JPT1: variants seen among roughly 807,000 people sequenced by gnomAD.
The protein encoded by JPT1 is Jupiter microtubule associated homolog 1.
A neutral mutation model predicts 17.0 loss-of-function variants in JPT1; 5 were observed. The ratio of observed to expected loss-of-function variants is 0.29; its 90% CI spans 0.15 to 0.62. JPT1 has a LOEUF of 0.62. JPT1 is among the 20% of genes least tolerant of loss of function. The probability of loss-of-function intolerance (pLI) is 0.85; values close to 1 mark genes in which losing one functional copy is unlikely to be tolerated. For synonymous variants in JPT1, 71 were observed against 73.6 expected, an observed-to-expected ratio of 0.96 and a Z score of 0.18; for missense variants, 158 against 188.1, an observed-to-expected ratio of 0.84 and a Z score of 0.94.
rs1293421412 is a variant in JPT1 at position 75,148,589 on chromosome 17, T to G, written c.139A>C (p.Met47Leu). 4 of 1,614,044 alleles carry G rather than the reference T, an allele frequency of 2.5e-6. No individual in the cohort carries two copies. Among genetic ancestry groups the G allele is most frequent in the Admixed American group, 3.3e-5 (2 of 59,984 alleles). The change falls in exon 2 of 5, where the codon ATG (methionine) becomes CTG (leucine). Residue 47 changes from methionine (M) to leucine (L), a missense_variant. Transcript: ENST00000409753. ...GGTGTCCCAAAGATATTAGAGGCCA[T>G]TTTGTTCTTCCTCACAGGTTGTTCT... Reference protein sequence around the residue: ...PTEQPVRKNKMASNIFGTPEE... With the variant: ...PTEQPVRKNKLASNIFGTPEE...
chr17:75,138,691 A>G (rs2074253955), intron 4 of JPT1, among the ~76,000 whole-genome samples: 1 of 152,176 alleles, frequency 6.6e-6, no homozygotes, highest in Non-Finnish European at 1.5e-5. Context: ...TACAGGCGTG[A>G]GCCACCATGC....
chr17:75,149,432 A>T (rs1391057018), intron 1 of JPT1, among the ~76,000 whole-genome samples: 1 of 152,074 alleles, frequency 6.6e-6, no homozygotes, highest in Non-Finnish European at 1.5e-5. Context: ...CAGTGGCGCG[A>T]TCTCAGCTCA....
intron 4 of JPT1, among the ~76,000 whole-genome samples, chr17:75,140,873 C>G (rs765996088): frequency 6.6e-6 from 1 of 152,062 alleles, no homozygotes; most frequent in Non-Finnish European, 1.5e-5. Flanking sequence ...AGGTGGATCA[C>G]GAGGTAAGGA....
chr17:75,147,414 C>T, intron 3 of JPT1, 142 bp downstream of exon 3: 1 of 597,384 alleles, frequency 1.7e-6, no homozygotes, highest in Non-Finnish European at 3.0e-6. Flanking sequence ...ATTTTACTAT[C>T]AATCTTCCAT....
At chr17:75,142,620 G>GGGGA (rs2074341952) in intron 4 of JPT1, 1 of 105,398 alleles carries the variant, frequency 9.5e-6, no homozygotes, top group Non-Finnish European at 1.6e-5. Flanking sequence ...GGAGAGAGGA[G>GGGGA]GGGAGGGAGG....
At chr17:75,142,668 AAGGGAACGGGAAGGGATGAGAAGGG>A in intron 4 of JPT1, 2 of 324,308 alleles carry the variant, frequency 6.2e-6, no homozygotes, top group South Asian at 3.7e-5. Flanking sequence ...AAGGGGGAGG[AAGGGAACGGGAAGGGATGAGAAGGG>A]AGGGGAGGGG....
chr17:75,138,736 A>T (rs1372803705), intron 4 of JPT1, among the ~76,000 whole-genome samples: 1 of 152,016 alleles, frequency 6.6e-6, no homozygotes, highest in Non-Finnish European at 1.5e-5. Context: ...CTTACTCTCA[A>T]TTCATGTACT....
rs1440524737 is a variant in JPT1, at chr17:75,145,763, A to T, written c.316+903T>A. The stretch of plus-strand genomic sequence containing the variant: ...CAATACTGCACTTGGCTAGTCTGTG[A>T]TAAATAGCTACATAAATACAAAAAG... On this transcript the variant is annotated intron_variant, in intron 4 of 4. Transcript: ENST00000409753. The T allele has an allele frequency of 3.9e-5, 6 of 152,196 alleles. No individual in the cohort carries two copies. The South Asian group carries it at 8.3e-4, about 21-fold the overall frequency. The allele number at this position is 152,196 out of a possible 1,614,324, so 9.4% of individuals were successfully genotyped here.
At chr17:75,148,460 C>A in intron 2 of JPT1, 69 bp downstream of exon 2, 1 of 1,566,382 alleles carries the variant, frequency 6.4e-7, no homozygotes, top group South Asian at 1.2e-5. Flanking sequence ...TGCTGGTGCC[C>A]AAGCTGCATC....
chr17:75,145,708 A>G (rs1013666123), intron 4 of JPT1: 1 of 151,964 alleles, frequency 6.6e-6, no homozygotes, highest in Non-Finnish European at 1.5e-5. Context: ...TTACAGATCA[A>G]CCTCCTTGTT....
At chr17:75,148,701 G>T (rs1393670589) in intron 1 of JPT1, 30 bp from the exon 2 acceptor site, 1 of 1,610,472 alleles carries the variant, frequency 6.2e-7, no homozygotes, top group South Asian at 1.1e-5. Context: ...ATCAACTTCA[G>T]ATCATACTGA....
rs542738972 is a variant in JPT1 at position 75,150,475 on chromosome 17, A to G, written c.57-1804T>C. Among the ~76,000 whole-genome samples the G allele has an allele frequency of 2.6e-5, 4 of 151,988 alleles. No individual in the cohort carries two copies. In the East Asian group the frequency reaches 7.7e-4, roughly 29 times the overall value. ...GCCATGTTGGCCAGGCTGGTCTCGA[A>G]CTCCTGACCTCAGGTGATCCACCCG... On this transcript the variant is annotated intron_variant, in intron 1 of 4. Coordinates refer to ENST00000409753, the MANE Select transcript of JPT1 (RefSeq NM_016185.4).
At position 75,137,685 on chromosome 17, in the gene JPT1, CTTTTTTTT is replaced by C. The variant is rs60118585; in HGVS notation, c.317-1443_317-1436del. Among the ~76,000 whole-genome samples, 626 of 112,820 alleles carry C rather than the reference CTTTTTTTT, an allele frequency of 5.5e-3. 7 individuals are homozygous for C. Among genetic ancestry groups the C allele is most frequent in the African/African-American group, 0.028 (581 of 20,720 alleles). 74.0% of individuals were successfully genotyped at this position (112,820 alleles called of 152,430 possible). ...TCACCCTTCACACAGCCTAGTTTTC[CTTTTTTTT>C]TTTTTTTTTTTTTTTTTTTGAGACA... On this transcript the variant is annotated intron_variant, in intron 4 of 4. Transcript: ENST00000409753.
At chr17:75,150,930 T>TGCAA (rs2074540441) in intron 1 of JPT1, among the ~76,000 whole-genome samples, 1 of 145,934 alleles carries the variant, frequency 6.9e-6, no homozygotes, top group African/African-American at 2.5e-5. Context: ...CTCGGCTCAC[T>TGCAA]GCAAGCTCCG....
chr17:75,144,310 G>A (rs1332145309), intron 4 of JPT1, among the ~76,000 whole-genome samples: 2 of 151,870 alleles, frequency 1.3e-5, no homozygotes, highest in Non-Finnish European at 2.9e-5. Flanking sequence ...TCACATGACT[G>A]GCCTGTGTAA....
At chr17:75,142,285 C>T (rs1165650032) in intron 4 of JPT1, among the ~76,000 whole-genome samples, 1 of 151,442 alleles carries the variant, frequency 6.6e-6, no homozygotes, top group African/African-American at 2.4e-5. Flanking sequence ...ACCGGCCGGG[C>T]CTGGTGGCTC....
intron 4 of JPT1, among the ~76,000 whole-genome samples, chr17:75,143,853 C>T (rs542625811): frequency 6.6e-6 from 1 of 151,516 alleles, no homozygotes; most frequent in East Asian, 1.9e-4. Context: ...AAAAAAAGAG[C>T]GAATCTCCAT....
intron 4 of JPT1, chr17:75,142,836 CA>C: frequency 2.2e-6 from 1 of 454,002 alleles, no homozygotes; most frequent in East Asian, 7.1e-5. Flanking sequence ...CGGTCCAATG[CA>C]AAAGTAACTG....
In JPT1 at chr17:75,149,046, GTTA is replaced by G; in HGVS notation, c.57-378_57-376del. 4 of 1,281,358 alleles carry G rather than the reference GTTA, an allele frequency of 3.1e-6. No individual in the cohort carries two copies. In the South Asian group the frequency reaches 3.8e-5, roughly 12 times the overall value. 79.4% of individuals were successfully genotyped at this position (1,281,358 alleles called of 1,614,324 possible). Reference sequence around the variant, plus strand: ...TCAAAGAAGTTTAGAAGTATTTCTTGTTATTATTCATTTAAAAATCATTTCCAG... The same window carrying G: ...TCAAAGAAGTTTAGAAGTATTTCTTGTTATTCATTTAAAAATCATTTCCAG... On this transcript the variant is annotated intron_variant, in intron 1 of 4. Transcript: ENST00000409753.
Sources: gnomAD v4.1 joint callset for allele counts (sites outside exome capture counted in the v4.1 genomes callset) on GRCh38, gnomAD v4.1.1 for gene constraint, MANE v1.5 for transcripts, NCBI Gene and HGNC (gene_info 2026-07-23, HGNC 2026-07-21) for gene names.